The following DAB1 variants were observed in gnomAD, a reference collection of about 807,000 sequenced individuals.
DAB1 encodes the protein DAB adaptor protein 1.
DAB1 carries 15 observed loss-of-function variants against 64.6 expected under a neutral mutation model. That is an observed-to-expected ratio of 0.23 (90% CI 0.16 to 0.36). The LOEUF (loss-of-function observed/expected upper bound fraction) is 0.36. Ranked by LOEUF, DAB1 falls within the 10% of genes least tolerant of loss-of-function variation. The probability of loss-of-function intolerance (pLI) is 1.00; values close to 1 mark genes in which losing one functional copy is unlikely to be tolerated. For missense variants in DAB1, 596 were observed against 706.7 expected (o/e 0.84, Z 1.78); for synonymous variants, 235 against 251.9 (o/e 0.93, Z 0.64).
At chr1:57,522,623 G>C (rs1570594130) in intron 7 of DAB1, among the ~76,000 whole-genome samples, 1 of 152,300 alleles carries the variant, frequency 6.6e-6, no homozygotes, top group East Asian at 1.9e-4. Flanking sequence ...TTGATAAGGG[G>C]TGGACTTGTG....
At chr1:58,186,055 C>T (rs2100214089) in intron 4 of DAB1, among the ~76,000 whole-genome samples, 1 of 152,332 alleles carries the variant, frequency 6.6e-6, no homozygotes, top group South Asian at 2.1e-4. Context: ...TAATTCTCTC[C>T]ATTTATACAC....
intron 4 of DAB1, among the ~76,000 whole-genome samples, chr1:57,116,184 G>T (rs1656086600): frequency 6.6e-6 from 1 of 151,344 alleles, no homozygotes; most frequent in South Asian, 2.1e-4. Context: ...AGGTTGGGAG[G>T]CCTGGCGTGG....
chr1:57,025,981 G>C lies in DAB1; in HGVS notation c.786C>G (p.Pro262=), dbSNP rs138352976. 1.3e-6 allele frequency: 2 copies of C among 1,576,968 alleles called. No homozygotes were observed. The highest frequency in any genetic ancestry group is 1.9e-5 in the Admixed American group (1 of 52,966). Residue 262 remains proline (P), a splice_region_variant and synonymous_variant, in exon 10 of 15, where the codon CCC becomes CCG. Coordinates refer to ENST00000371236, the MANE Select transcript of DAB1 (RefSeq NM_001365792.1). The stretch of plus-strand genomic sequence containing the variant: ...GGTTCAGAGAGCAATGCATACTTAC[G>C]GGGGGAGAGGTTATATCAGGGGGTG... ...MSTPPDITSP[P]TPATPGDAFI...
intron 5 of DAB1, among the ~76,000 whole-genome samples, chr1:58,034,443 C>T (rs1470937149): frequency 6.6e-6 from 1 of 152,198 alleles, no homozygotes; most frequent in Non-Finnish European, 1.5e-5. Flanking sequence ...CTCCAGATTC[C>T]TGACTTACAG....
At chr1:57,180,251 G>A (rs937006605) in intron 2 of DAB1, among the ~76,000 whole-genome samples, 11 of 152,172 alleles carry the variant, frequency 7.2e-5, no homozygotes, top group African/African-American at 2.7e-4. Context: ...CTTTCCCCCA[G>A]CCAAAGACCT....
chr1:58,404,773 G>C (rs1022112497), intron 3 of DAB1, among the ~76,000 whole-genome samples: 5 of 152,162 alleles, frequency 3.3e-5, no homozygotes, highest in Admixed American at 3.3e-4. Flanking sequence ...TAACACACAG[G>C]GTGGCTAGGA....
intron 1 of DAB1, among the ~76,000 whole-genome samples, chr1:58,543,233 G>T (rs981506394): frequency 5.3e-5 from 8 of 152,130 alleles, no homozygotes; most frequent in African/African-American, 1.9e-4. Context: ...CGTTTACATG[G>T]TATAAAACAG....
rs546803488 is a variant in DAB1 at position 58,257,068 on chromosome 1, A to T, written n.309+86284T>A. On this transcript the variant is annotated intron_variant and non_coding_transcript_variant, in intron 4 of 20. Transcript: ENST00000485760. ...TCATGCAATAAGCATTCACTGAATT[A>T]TGCATTGGGCATTGTTACATGGGTT... Among the ~76,000 whole-genome samples, 293 of 152,332 alleles carry T rather than the reference A, an allele frequency of 1.9e-3. 3 individuals are homozygous for T. The highest frequency in any genetic ancestry group is 8.5e-4 in the Non-Finnish European group (58 of 68,028).
intron 5 of DAB1, among the ~76,000 whole-genome samples, chr1:57,894,760 G>C (rs1644369180): frequency 6.6e-6 from 1 of 152,192 alleles, no homozygotes; most frequent in African/African-American, 2.4e-5. Context: ...AAAGGGAAAG[G>C]ATCAGTCAGG....
intron 1 of DAB1, among the ~76,000 whole-genome samples, chr1:58,527,851 G>A (rs1200508532): frequency 6.6e-6 from 1 of 151,938 alleles, no homozygotes. Flanking sequence ...TTGATTAGTT[G>A]GGAAAATGAA....
chr1:56,996,728 C>A lies in DAB1; in HGVS notation c.*1416G>T, dbSNP rs1645634893. ...TTGGCCAACTGCTCCTGCCAGCTGT[C>A]CCTGCACTCCAGCTTCCTACCATAT... is the stretch of plus-strand genomic sequence containing the variant. On this transcript the variant is annotated 3_prime_UTR_variant, in exon 15 of 15. Coordinates refer to ENST00000371236, the MANE Select transcript of DAB1 (RefSeq NM_001365792.1). 1 of 152,378 alleles carries A rather than the reference C, an allele frequency of 6.6e-6. No individual in the cohort carries two copies. The highest frequency in any genetic ancestry group is 2.4e-5 in the African/African-American group (1 of 41,442). 9.4% of individuals were successfully genotyped at this position (152,378 alleles called of 1,614,324 possible).
At chr1:57,962,687 C>T (rs1645554037) in intron 5 of DAB1, among the ~76,000 whole-genome samples, 1 of 151,848 alleles carries the variant, frequency 6.6e-6, no homozygotes, top group South Asian at 2.1e-4. Context: ...GCCTGGATAA[C>T]ATAATCTCTA....
intron 7 of DAB1, among the ~76,000 whole-genome samples, chr1:57,546,682 G>GT (rs1408495435): frequency 1.3e-5 from 2 of 152,202 alleles, no homozygotes; most frequent in Non-Finnish European, 2.9e-5. Flanking sequence ...TTTTCAGCCA[G>GT]TGACAGACTG....
At chr1:57,952,332 A>T (rs1182361457) in intron 5 of DAB1, among the ~76,000 whole-genome samples, 1 of 152,100 alleles carries the variant, frequency 6.6e-6, no homozygotes, top group Non-Finnish European at 1.5e-5. Flanking sequence ...GAAAGAAGAA[A>T]CTGGGTTCCT....
chr1:57,552,446 T>C (rs1051894924), intron 7 of DAB1, among the ~76,000 whole-genome samples: 3 of 152,200 alleles, frequency 2.0e-5, no homozygotes, highest in Non-Finnish European at 4.4e-5. Context: ...AGGGGAATGT[T>C]GAATCTATCA....
chr1:58,047,207 T>C lies in DAB1; in HGVS notation n.387+103304A>G, dbSNP rs537191233. Among the ~76,000 whole-genome samples, 113 of 152,340 alleles carry C rather than the reference T, an allele frequency of 7.4e-4. 1 individual carries two copies. Among genetic ancestry groups the C allele is most frequent in the African/African-American group, 2.4e-3 (98 of 41,586 alleles). On this transcript the variant is annotated intron_variant and non_coding_transcript_variant, in intron 5 of 20. Transcript: ENST00000485760. ...ATGAATGCAAGCCACATATGTCACC[T>C]TAAATTTGCCACTTAGCCACATTTA...
intron 4 of DAB1, among the ~76,000 whole-genome samples, chr1:58,158,890 G>A (rs922303377): frequency 2.6e-5 from 4 of 152,176 alleles, no homozygotes; most frequent in African/African-American, 4.8e-5. Flanking sequence ...AAGCACGCAC[G>A]GGTGAGAAAC....
At chr1:58,526,714 A>G (rs1646355619) in intron 2 of DAB1, among the ~76,000 whole-genome samples, 2 of 152,100 alleles carry the variant, frequency 1.3e-5, no homozygotes, top group Non-Finnish European at 2.9e-5. Context: ...TCATAGCTAC[A>G]ACAGGATCAA....
At chr1:57,642,817 C>T (rs972819097) in intron 7 of DAB1, among the ~76,000 whole-genome samples, 8 of 152,052 alleles carry the variant, frequency 5.3e-5, no homozygotes, top group Non-Finnish European at 2.9e-5. Flanking sequence ...TTTTTTGTTC[C>T]ATTTCATTTT....
Sources: gnomAD v4.1 joint callset for allele counts (sites outside exome capture counted in the v4.1 genomes callset) on GRCh38, gnomAD v4.1.1 for gene constraint, MANE v1.5 for transcripts, NCBI Gene and HGNC (gene_info 2026-07-23, HGNC 2026-07-21) for gene names.